Variants in PLXNA2 observed in about 807,000 individuals in gnomAD.
PLXNA2 encodes plexin A2.
In PLXNA2, 91 loss-of-function variants were observed where a neutral mutation model predicts 193.5. The ratio of observed to expected loss-of-function variants is 0.47; its 90% CI spans 0.40 to 0.56. The LOEUF is 0.56. PLXNA2 is among the 20% of genes least tolerant of loss of function. The probability of loss-of-function intolerance (pLI) is 0.00; values close to 1 mark genes in which losing one functional copy is unlikely to be tolerated. For missense variants in PLXNA2, 1,995 were observed against 2,503.2 expected, an observed-to-expected ratio of 0.80 and a Z score of 4.33; for synonymous variants, 997 against 1,027.3, an observed-to-expected ratio of 0.97 and a Z score of 0.56.
At chr1:208,047,310 C>T (rs1391438904) in intron 17 of PLXNA2, among the ~76,000 whole-genome samples, 1 of 152,232 alleles carries the variant, frequency 6.6e-6, no homozygotes, top group Non-Finnish European at 1.5e-5. Flanking sequence ...AACCAAGTGT[C>T]CCCTAACCCT....
At chr1:208,185,319 G>C (rs962552153) in intron 3 of PLXNA2, among the ~76,000 whole-genome samples, 1 of 152,210 alleles carries the variant, frequency 6.6e-6, no homozygotes, top group African/African-American at 2.4e-5. Flanking sequence ...AAGTGCTGCA[G>C]GGAGATCCTG....
At position 208,208,631 on chromosome 1, in the gene PLXNA2, C is replaced by T. The variant is rs775956041; in HGVS notation, c.1371+1649G>A. 1.2e-4 allele frequency among the ~76,000 whole-genome samples: 18 copies of T among 152,304 alleles called. No individual in the cohort carries two copies. In the South Asian group the frequency reaches 1.2e-3, roughly 11 times the overall value. On this transcript the variant is annotated intron_variant, in intron 3 of 31. Transcript: ENST00000367033. Reference sequence around the variant, plus strand: ...CAAGGAGACAGAATGACACACATGACCTGGAGCAGTGACTGAAGGTAGGGG... The same window carrying T: ...CAAGGAGACAGAATGACACACATGATCTGGAGCAGTGACTGAAGGTAGGGG...
At position 208,213,414 on chromosome 1, in the gene PLXNA2, G is replaced by A. The variant is rs576704118; in HGVS notation, c.1189-2952C>T. 2.6e-5 allele frequency among the ~76,000 whole-genome samples: 4 copies of A among 151,694 alleles called. No homozygotes were observed. In the South Asian group the frequency reaches 8.4e-4, roughly 32 times the overall value. On this transcript the variant is annotated intron_variant, in intron 2 of 31. Transcript: ENST00000367033. ...CCCCGCTTTATCACTTATAGCTGTG[G>A]AGATCTGAGCAACTTACTTAGTCTT...
At chr1:208,189,727 T>C (rs1670118220) in intron 3 of PLXNA2, among the ~76,000 whole-genome samples, 1 of 152,052 alleles carries the variant, frequency 6.6e-6, no homozygotes, top group African/African-American at 2.4e-5. Context: ...CCCAATATAA[T>C]CCTCTTAGAT....
At chr1:208,233,828 A>G (rs562081709) in intron 1 of PLXNA2, among the ~76,000 whole-genome samples, 2 of 152,288 alleles carry the variant, frequency 1.3e-5, no homozygotes, top group African/African-American at 4.8e-5. Flanking sequence ...GCCTTGCCAG[A>G]GCCATTGACT....
chr1:208,202,532 T>C (rs933092585), intron 3 of PLXNA2, among the ~76,000 whole-genome samples: 1 of 152,142 alleles, frequency 6.6e-6, no homozygotes, highest in African/African-American at 2.4e-5. Context: ...TGCAAATTGG[T>C]CCCTACCCGA....
intron 1 of PLXNA2, among the ~76,000 whole-genome samples, chr1:208,222,764 T>C (rs1445285481): frequency 6.6e-6 from 1 of 152,188 alleles, no homozygotes; most frequent in African/African-American, 2.4e-5. Context: ...CTTTCCCTTA[T>C]AGCAAAAGGA....
chr1:208,142,213 C>A, intron 4 of PLXNA2, 116 bp downstream of exon 4: 5 of 1,152,436 alleles, frequency 4.3e-6, no homozygotes, highest in Non-Finnish European at 6.0e-6. Flanking sequence ...TCTCAAGACC[C>A]CTGTGCTGCA....
chr1:208,072,264 T>C (rs1666000104), intron 12 of PLXNA2, among the ~76,000 whole-genome samples: 1 of 152,208 alleles, frequency 6.6e-6, no homozygotes, highest in Admixed American at 6.5e-5. Context: ...AAGTAAAAGC[T>C]ACATGGTGGT....
intron 10 of PLXNA2, among the ~76,000 whole-genome samples, chr1:208,083,050 C>A (rs1419226414): frequency 6.6e-6 from 1 of 152,166 alleles, no homozygotes; most frequent in Admixed American, 6.5e-5. Flanking sequence ...AGAGCTAATG[C>A]CCTCTTACTA....
intron 3 of PLXNA2, among the ~76,000 whole-genome samples, chr1:208,207,765 TG>T (rs1426080598): frequency 6.6e-6 from 1 of 151,982 alleles, no homozygotes; most frequent in Admixed American, 6.6e-5. Flanking sequence ...AGCTGGTAGA[TG>T]GGAGGCCAGC....
chr1:208,237,207 C>T (rs957647485), intron 1 of PLXNA2, among the ~76,000 whole-genome samples: 1 of 152,202 alleles, frequency 6.6e-6, no homozygotes, highest in African/African-American at 2.4e-5. Context: ...AGATTGGCTC[C>T]TTCTCCAGGT....
At chr1:208,046,796 TAGTGTGTG>T (rs1665082305) in intron 17 of PLXNA2, among the ~76,000 whole-genome samples, 1 of 53,480 alleles carries the variant, frequency 1.9e-5, no homozygotes, top group Non-Finnish European at 4.0e-5. Context: ...CAGAACAGCA[TAGTGTGTG>T]TGTGTGTGTG....
At chr1:208,175,605 A>T (rs151161378) in intron 3 of PLXNA2, among the ~76,000 whole-genome samples, 3 of 152,308 alleles carry the variant, frequency 2.0e-5, no homozygotes, top group Non-Finnish European at 4.4e-5. Flanking sequence ...TCTGATTGGA[A>T]CTATGTTCTT....
chr1:208,071,319 G>C (rs569414597), intron 12 of PLXNA2, among the ~76,000 whole-genome samples: 1 of 152,328 alleles, frequency 6.6e-6, no homozygotes, highest in South Asian at 2.1e-4. Context: ...CCCTAATCAG[G>C]ACCAACGAGT....
intron 1 of PLXNA2, among the ~76,000 whole-genome samples, chr1:208,224,586 T>C (rs1671455729): frequency 6.6e-6 from 1 of 152,104 alleles, no homozygotes; most frequent in Admixed American, 6.6e-5. Flanking sequence ...AAAGGAACAA[T>C]TTAGATGTCA....
At chr1:208,042,976 G>T in intron 21 of PLXNA2, 85 bp downstream of exon 21, 1 of 1,394,496 alleles carries the variant, frequency 7.2e-7, no homozygotes. Context: ...ACCTTACTCA[G>T]TACTGCTGAG....
intron 9 of PLXNA2, among the ~76,000 whole-genome samples, chr1:208,085,940 CCT>C (rs1321874723): frequency 1.3e-5 from 2 of 152,288 alleles, no homozygotes; most frequent in African/African-American, 4.8e-5. Context: ...TAGTTGATTA[CCT>C]CTTCTTTTAC....
chr1:208,103,278 G>T (rs1485279388), intron 4 of PLXNA2, 31 bp from the exon 5 acceptor site: 4 of 1,553,800 alleles, frequency 2.6e-6, no homozygotes, highest in Non-Finnish European at 2.7e-6. Flanking sequence ...GGTACAGTGA[G>T]GTTAGGCTGT....
Sources: allele counts gnomAD v4.1 joint callset (sites outside exome capture counted in the v4.1 genomes callset), GRCh38; gene constraint gnomAD v4.1.1; transcripts MANE v1.5; gene names NCBI Gene and HGNC (gene_info 2026-07-23, HGNC 2026-07-21).